The following ARHGAP10 variants were observed in gnomAD, a reference collection of about 807,000 sequenced individuals.
The protein encoded by ARHGAP10 is Rho GTPase activating protein 10, also known as rho GTPase-activating protein 10.
In ARHGAP10, 87 loss-of-function variants were observed where a neutral mutation model predicts 108.6. The observed-to-expected ratio is 0.80, with a 90% CI of 0.67 to 0.96. The LOEUF (loss-of-function observed/expected upper bound fraction) is 0.96, where lower values mean the gene tolerates loss of function less well. ARHGAP10 is among the 40% of genes least tolerant of loss of function. The pLI is 0.00. For missense variants in ARHGAP10, 939 were observed against 954.5 expected (o/e 0.98, Z 0.21); for synonymous variants, 347 against 341.1 (o/e 1.02, Z -0.19).
At chr4:147,811,356 T>C (rs574451618) in intron 1 of ARHGAP10, among the ~76,000 whole-genome samples, 1 of 152,300 alleles carries the variant, frequency 6.6e-6, no homozygotes, top group South Asian at 2.1e-4. Context: ...ACTGTGTATA[T>C]TGGGGTTCAC....
intron 10 of ARHGAP10, among the ~76,000 whole-genome samples, chr4:147,905,838 C>G (rs894824130): frequency 7.9e-5 from 12 of 151,982 alleles, no homozygotes; most frequent in Non-Finnish European, 1.2e-4. Flanking sequence ...TGGCCATTTT[C>G]ACGATATTGA....
At chr4:147,869,031 A>C (rs1734690472) in intron 7 of ARHGAP10, among the ~76,000 whole-genome samples, 1 of 152,142 alleles carries the variant, frequency 6.6e-6, no homozygotes, top group African/African-American at 2.4e-5. Context: ...CTCATCTGTT[A>C]AGTGCAGGGC....
At chr4:147,958,669 T>C (rs1311490187) in intron 16 of ARHGAP10, among the ~76,000 whole-genome samples, 1 of 152,212 alleles carries the variant, frequency 6.6e-6, no homozygotes, top group Non-Finnish European at 1.5e-5. Context: ...ACAGGAGAAA[T>C]GCAACACTTG....
chr4:148,026,692 T>G (rs73857327), intron 19 of ARHGAP10, among the ~76,000 whole-genome samples: 1,603 of 152,320 alleles, frequency 0.011, 37 homozygotes, highest in African/African-American at 0.036. Flanking sequence ...CTTTGTGAGA[T>G]TCTCATCTTT....
At chr4:147,876,084 A>G (rs1735045888) in intron 8 of ARHGAP10, among the ~76,000 whole-genome samples, 1 of 152,186 alleles carries the variant, frequency 6.6e-6, no homozygotes, top group South Asian at 2.1e-4. Flanking sequence ...TGACTCAGGG[A>G]ACGGTTACAG....
chr4:147,781,681 C>CTT (rs56781517), intron 1 of ARHGAP10, among the ~76,000 whole-genome samples: 15,105 of 130,430 alleles, frequency 0.12, 2,700 homozygotes, highest in African/African-American at 0.39. Context: ...CTTTTCTTTT[C>CTT]TTTTTTTTTT....
At chr4:147,779,796 G>C (rs959005913) in intron 1 of ARHGAP10, among the ~76,000 whole-genome samples, 4 of 152,162 alleles carry the variant, frequency 2.6e-5, no homozygotes, top group African/African-American at 9.7e-5. Flanking sequence ...TGTCTGTAAT[G>C]TTTAAGCTTT....
rs763356812 is a variant in ARHGAP10, at chr4:147,732,467, C to A, written c.154+12C>A. On this transcript the variant is annotated intron_variant, in intron 1 of 22. Coordinates refer to ENST00000336498, the MANE Select transcript of ARHGAP10 (RefSeq NM_024605.4). Reference sequence around the variant, plus strand: ...CGCTGCGACGAAAAGTAAGCGGGGACGCGGGCGCGGACGGGCTGCGGCGTG... The same window carrying A: ...CGCTGCGACGAAAAGTAAGCGGGGAAGCGGGCGCGGACGGGCTGCGGCGTG... The A allele has an allele frequency of 6.2e-7, 1 of 1,609,400 alleles. No individual in the cohort carries two copies. Among genetic ancestry groups the A allele is most frequent in the South Asian group, 1.1e-5 (1 of 90,532 alleles).
chr4:147,811,515 T>G (rs1005911167), intron 1 of ARHGAP10, among the ~76,000 whole-genome samples: 11 of 152,190 alleles, frequency 7.2e-5, no homozygotes, highest in Non-Finnish European at 1.3e-4. Flanking sequence ...TCCATTCTTT[T>G]TGTTTTACTT....
Position 147,836,352 on chromosome 4 carries a change from AAGTTTTTCAC to A in ARHGAP10, c.313-10794_313-10785del, listed in dbSNP as rs563945336. ...ATCCTCTTTAATAGGACTAGGTTTC[AAGTTTTTCAC>A]AGTTCAGGATTGAAAGTTGATAAAA... On this transcript the variant is annotated intron_variant, in intron 3 of 22. Coordinates refer to ENST00000336498, the MANE Select transcript of ARHGAP10 (RefSeq NM_024605.4). Among the ~76,000 whole-genome samples, 19 of 152,330 alleles carry A rather than the reference AAGTTTTTCAC, an allele frequency of 1.2e-4. No homozygotes were observed. The East Asian group carries it at 3.5e-3, about 28-fold the overall frequency.
chr4:147,991,745 C>G (rs1251862115), intron 18 of ARHGAP10, among the ~76,000 whole-genome samples: 2 of 152,142 alleles, frequency 1.3e-5, no homozygotes, highest in East Asian at 1.9e-4. Flanking sequence ...AAAACAGGTC[C>G]AAGTTTGCAG....
At chr4:147,732,576 T>G in intron 1 of ARHGAP10, 121 bp downstream of exon 1, 1 of 1,398,638 alleles carries the variant, frequency 7.1e-7, no homozygotes. Flanking sequence ...GGGGAATTCA[T>G]TCCGGACCAG....
intron 1 of ARHGAP10, among the ~76,000 whole-genome samples, chr4:147,780,262 G>C (rs1730477521): frequency 6.6e-6 from 1 of 152,136 alleles, no homozygotes; most frequent in Admixed American, 6.5e-5. Context: ...CCCGTGTCTG[G>C]ATCAGGGCCG....
Position 147,991,508 on chromosome 4 carries a change from A to G in ARHGAP10, c.1716+24669A>G, listed in dbSNP as rs116924029. On this transcript the variant is annotated intron_variant, in intron 18 of 22. Transcript: ENST00000336498. Reference sequence around the variant, plus strand: ...TTCAGTCCAAGAAAGCCCAGGTATTAGAGACTAAGTGCCCAAGGTTTTTGT... The same window carrying G: ...TTCAGTCCAAGAAAGCCCAGGTATTGGAGACTAAGTGCCCAAGGTTTTTGT... Among the ~76,000 whole-genome samples the G allele has an allele frequency of 1.2e-3, 183 of 152,294 alleles. 3 individuals are homozygous for G. In the East Asian group the frequency reaches 0.033, roughly 28 times the overall value.
At chr4:147,854,688 T>C in intron 4 of ARHGAP10, 1 of 982,802 alleles carries the variant, frequency 1.0e-6, no homozygotes, top group Non-Finnish European at 1.2e-6. Flanking sequence ...CAAGAAATCA[T>C]ATGAGCACAA....
intron 3 of ARHGAP10, among the ~76,000 whole-genome samples, chr4:147,844,095 A>G (rs1369189610): frequency 6.6e-6 from 1 of 152,208 alleles, no homozygotes; most frequent in African/African-American, 2.4e-5. Flanking sequence ...TCTGGGATTT[A>G]ACATGAGCCC....
At chr4:147,927,923 A>G (rs1737526567) in intron 13 of ARHGAP10, among the ~76,000 whole-genome samples, 1 of 152,170 alleles carries the variant, frequency 6.6e-6, no homozygotes, top group South Asian at 2.1e-4. Flanking sequence ...ATGAAATCGG[A>G]AACTCCCTGT....
chr4:147,920,438 C>T (rs1737192417), intron 13 of ARHGAP10, among the ~76,000 whole-genome samples: 1 of 151,818 alleles, frequency 6.6e-6, no homozygotes, highest in South Asian at 2.1e-4. Context: ...CCCAAAATCC[C>T]TGCAACCTAA....
At chr4:147,999,699 C>T (rs1740619785) in intron 18 of ARHGAP10, among the ~76,000 whole-genome samples, 2 of 152,180 alleles carry the variant, frequency 1.3e-5, no homozygotes, top group Non-Finnish European at 2.9e-5. Flanking sequence ...GCCCAAGATT[C>T]CATTCGTTGG....
Sources: allele counts gnomAD v4.1 joint callset (sites outside exome capture counted in the v4.1 genomes callset), GRCh38; gene constraint gnomAD v4.1.1; transcripts MANE v1.5; gene names NCBI Gene and HGNC (gene_info 2026-07-23, HGNC 2026-07-21).